Variants in CLSTN2 observed in about 807,000 individuals in gnomAD.
CLSTN2 encodes the protein calsyntenin-2.
CLSTN2 carries 48 observed loss-of-function variants against 101.2 expected under a neutral mutation model. The ratio of observed to expected loss-of-function variants is 0.47; its 90% confidence interval spans 0.38 to 0.60. The LOEUF is 0.60. CLSTN2 is among the 20% of genes least tolerant of loss of function. The probability of loss-of-function intolerance (pLI) is 0.00; values close to 1 mark genes in which losing one functional copy is unlikely to be tolerated. For synonymous variants in CLSTN2, 481 were observed against 463.6 expected (o/e 1.04, Z -0.48); for missense variants, 1,160 against 1,238.2 (o/e 0.94, Z 0.95).
intron 6 of CLSTN2, among the ~76,000 whole-genome samples, chr3:140,458,804 T>C (rs1933481758): frequency 6.6e-6 from 1 of 152,140 alleles, no homozygotes; most frequent in South Asian, 2.1e-4. Context: ...CCCTCACAAC[T>C]CGCTGGAAAG....
intron 2 of CLSTN2, among the ~76,000 whole-genome samples, chr3:140,254,282 A>G (rs1293834228): frequency 1.3e-5 from 2 of 152,198 alleles, no homozygotes; most frequent in Non-Finnish European, 2.9e-5. Flanking sequence ...ATTCTGCACC[A>G]GAGAAAGTAC....
chr3:140,210,546 T>C (rs1238115829), intron 2 of CLSTN2, among the ~76,000 whole-genome samples: 1 of 152,204 alleles, frequency 6.6e-6, no homozygotes, highest in Non-Finnish European at 1.5e-5. Flanking sequence ...TTTTTGGTTT[T>C]CTCGTGTTAT....
chr3:140,225,052 T>G (rs922737356), intron 2 of CLSTN2, among the ~76,000 whole-genome samples: 1 of 152,214 alleles, frequency 6.6e-6, no homozygotes, highest in Non-Finnish European at 1.5e-5. Flanking sequence ...GGTTGCACTA[T>G]GTGTGAATTC....
intron 2 of CLSTN2, among the ~76,000 whole-genome samples, chr3:140,278,012 C>T (rs781402116): frequency 2.0e-5 from 3 of 152,130 alleles, no homozygotes; most frequent in Non-Finnish European, 2.9e-5. Flanking sequence ...CCTTAAAGAC[C>T]GGCTGTCAGT....
chr3:140,172,556 AG>A (rs1461366895), intron 1 of CLSTN2, among the ~76,000 whole-genome samples: 1 of 152,200 alleles, frequency 6.6e-6, no homozygotes, highest in Non-Finnish European at 1.5e-5. Flanking sequence ...TTGATTTGCT[AG>A]GGTTGCTGTA....
intron 2 of CLSTN2, among the ~76,000 whole-genome samples, chr3:140,244,291 T>C (rs58292629): frequency 0.018 from 2,800 of 152,264 alleles, 84 homozygotes; most frequent in African/African-American, 0.064. Flanking sequence ...GGGTGGGTTT[T>C]GTGATGTGGT....
At chr3:140,078,339 C>T (rs1374787098) in intron 1 of CLSTN2, among the ~76,000 whole-genome samples, 11 of 152,118 alleles carry the variant, frequency 7.2e-5, no homozygotes, top group African/African-American at 2.2e-4. Context: ...GGTCAATGCA[C>T]GGTATCTGGT....
At chr3:140,032,423 C>A (rs1216226511) in intron 1 of CLSTN2, among the ~76,000 whole-genome samples, 2 of 151,412 alleles carry the variant, frequency 1.3e-5, no homozygotes, top group South Asian at 4.2e-4. Flanking sequence ...GCAACCTCCA[C>A]CCCCGGGTTC....
intron 2 of CLSTN2, among the ~76,000 whole-genome samples, chr3:140,390,308 G>A (rs910959188): frequency 6.6e-6 from 1 of 152,174 alleles, no homozygotes; most frequent in East Asian, 1.9e-4. Context: ...TGTAGTGTTT[G>A]TATTATCTTC....
chr3:140,224,512 T>C (rs1179963918), intron 2 of CLSTN2, among the ~76,000 whole-genome samples: 1 of 152,204 alleles, frequency 6.6e-6, no homozygotes, highest in Non-Finnish European at 1.5e-5. Context: ...TGTGTTCATG[T>C]GCGTGCAGGC....
chr3:140,299,999 A>G (rs1028692194), intron 2 of CLSTN2, among the ~76,000 whole-genome samples: 1 of 152,182 alleles, frequency 6.6e-6, no homozygotes, highest in East Asian at 1.9e-4. Context: ...TGAAAAGAAT[A>G]ACTTCCGAAT....
At chr3:140,232,084 A>G (rs2086376174) in intron 2 of CLSTN2, among the ~76,000 whole-genome samples, 2 of 152,230 alleles carry the variant, frequency 1.3e-5, no homozygotes, top group African/African-American at 4.8e-5. Context: ...AGCACAGTAC[A>G]TACTAAATAA....
chr3:140,225,790 C>T (rs992121534), intron 2 of CLSTN2, among the ~76,000 whole-genome samples: 7 of 152,226 alleles, frequency 4.6e-5, no homozygotes, highest in South Asian at 2.1e-4. Flanking sequence ...CCACTGCACC[C>T]GGCCTTGACA....
At chr3:140,468,516 C>T (rs1258626694) in intron 8 of CLSTN2, among the ~76,000 whole-genome samples, 2 of 152,182 alleles carry the variant, frequency 1.3e-5, no homozygotes, top group Admixed American at 6.5e-5. Flanking sequence ...ATTCACCAAA[C>T]ACATTCCAAA....
chr3:140,392,869 A>G (rs1189384794), intron 2 of CLSTN2, among the ~76,000 whole-genome samples: 1 of 151,684 alleles, frequency 6.6e-6, no homozygotes, highest in African/African-American at 2.4e-5. Flanking sequence ...ACAGTTATGG[A>G]GGGTGAGAAG....
At chr3:140,404,414 G>A (rs2107979190) in intron 3 of CLSTN2, 144 bp from the exon 4 acceptor site, 1 of 692,934 alleles carries the variant, frequency 1.4e-6, no homozygotes, top group Non-Finnish European at 2.6e-6. Context: ...AGGGAGGATG[G>A]GACACTCAGA....
At chr3:140,418,718 T>C (rs976113808) in intron 4 of CLSTN2, among the ~76,000 whole-genome samples, 23 of 152,078 alleles carry the variant, frequency 1.5e-4, no homozygotes, top group African/African-American at 5.1e-4. Context: ...GGGTTTCACC[T>C]TGTTGGTCAC....
intron 2 of CLSTN2, among the ~76,000 whole-genome samples, chr3:140,204,216 T>G (rs977925636): frequency 2.6e-5 from 4 of 152,214 alleles, no homozygotes; most frequent in African/African-American, 9.6e-5. Flanking sequence ...AAGGTGTTCA[T>G]AAGTGGTAGT....
At chr3:140,024,753 C>T (rs573942946) in intron 1 of CLSTN2, among the ~76,000 whole-genome samples, 25 of 152,336 alleles carry the variant, frequency 1.6e-4, no homozygotes, top group Non-Finnish European at 3.4e-4. Context: ...AGCCTCAAGA[C>T]AGTCAGACCT....
Sources: gnomAD v4.1 joint callset for allele counts (sites outside exome capture counted in the v4.1 genomes callset) on GRCh38, gnomAD v4.1.1 for gene constraint, MANE v1.5 for transcripts, NCBI Gene and HGNC (gene_info 2026-07-23, HGNC 2026-07-21) for gene names.